The following ATRNL1 variants were observed in gnomAD, a reference collection of about 807,000 sequenced individuals.
ATRNL1 encodes the protein attractin-like protein 1.
Under a neutral mutation model 182.7 loss-of-function variants are expected in ATRNL1, and 95 were observed. The ratio of observed to expected loss-of-function variants is 0.52; its 90% CI spans 0.44 to 0.62. The LOEUF is 0.62. ATRNL1 is among the 20% of genes least tolerant of loss of function. The probability of loss-of-function intolerance (pLI) is 0.00; values close to 1 mark genes in which losing one functional copy is unlikely to be tolerated. For synonymous variants in ATRNL1, 576 were observed against 568.3 expected, an observed-to-expected ratio of 1.01 and a Z score of -0.19; for missense variants, 1,471 against 1,679.5, an observed-to-expected ratio of 0.88 and a Z score of 2.17.
At chr10:115,918,445 C>T (rs1399752639) in intron 28 of ATRNL1, among the ~76,000 whole-genome samples, 3 of 152,060 alleles carry the variant, frequency 2.0e-5, no homozygotes, top group Admixed American at 2.0e-4. Flanking sequence ...TTGTACAGAT[C>T]TAGAAGTAGT....
At chr10:115,759,365 A>G (rs1283271152) in intron 27 of ATRNL1, among the ~76,000 whole-genome samples, 2 of 152,102 alleles carry the variant, frequency 1.3e-5, no homozygotes, top group Non-Finnish European at 2.9e-5. Context: ...TGGAGGGCCG[A>G]TCTGTGAATG....
At chr10:115,298,596 A>G (rs552973445) in intron 15 of ATRNL1, among the ~76,000 whole-genome samples, 2 of 152,284 alleles carry the variant, frequency 1.3e-5, no homozygotes, top group South Asian at 2.1e-4. Flanking sequence ...ATCAAGAGCT[A>G]TAAGAATGTT....
intron 27 of ATRNL1, among the ~76,000 whole-genome samples, chr10:115,816,615 G>GACACACACACAC (rs35920402): frequency 6.7e-6 from 1 of 150,140 alleles, no homozygotes; most frequent in Non-Finnish European, 1.5e-5. Flanking sequence ...GACACACACA[G>GACACACACACAC]ACACACACAC....
At chr10:115,592,482 T>C (rs544031738) in intron 26 of ATRNL1, among the ~76,000 whole-genome samples, 1 of 152,280 alleles carries the variant, frequency 6.6e-6, no homozygotes, top group East Asian at 1.9e-4. Context: ...ATTTTCATCA[T>C]CCTAAAAAGA....
intron 24 of ATRNL1, among the ~76,000 whole-genome samples, chr10:115,492,971 T>C (rs1412491932): frequency 6.6e-6 from 1 of 152,146 alleles, no homozygotes; most frequent in Non-Finnish European, 1.5e-5. Flanking sequence ...ATGGAAATGT[T>C]CATTAGCTTC....
In ATRNL1 at chr10:115,776,166, GA is replaced by G. The variant is rs535075497; in HGVS notation, c.3903+48813del. Among the ~76,000 whole-genome samples, 243 of 152,142 alleles carry G rather than the reference GA, an allele frequency of 1.6e-3. 11 individuals carry two copies. The South Asian group carries it at 0.049, about 31-fold the overall frequency. On this transcript the variant is annotated intron_variant, in intron 27 of 28. Transcript: ENST00000355044. Reference sequence around the variant, plus strand: ...ATTTAAAATAAATGAGATAGTTCAGGAATAAGTGGTATATTATCTAGCGAGT... The same window carrying G: ...ATTTAAAATAAATGAGATAGTTCAGGATAAGTGGTATATTATCTAGCGAGT...
At position 115,685,115 on chromosome 10, in the gene ATRNL1, T is replaced by G. The variant is rs145314471; in HGVS notation, c.3796-42133T>G. Among the ~76,000 whole-genome samples, 533 of 151,888 alleles carry G rather than the reference T, an allele frequency of 3.5e-3. 3 individuals carry two copies. Among genetic ancestry groups the G allele is most frequent in the African/African-American group, 0.012 (498 of 41,544 alleles). Reference sequence around the variant, plus strand: ...ATTAGAAAAATAAGGATAATAAAATTTATTAAGCTAAGTTAATTTCAGTTA... The same window carrying G: ...ATTAGAAAAATAAGGATAATAAAATGTATTAAGCTAAGTTAATTTCAGTTA... On this transcript the variant is annotated intron_variant, in intron 26 of 28. Transcript: ENST00000355044.
intron 8 of ATRNL1, among the ~76,000 whole-genome samples, chr10:115,206,611 A>T (rs1332096021): frequency 6.6e-6 from 1 of 152,148 alleles, no homozygotes; most frequent in East Asian, 1.9e-4. Flanking sequence ...AAAATGATAG[A>T]TGATTTATAT....
At chr10:115,098,799 CA>C (rs1300230455) in intron 1 of ATRNL1, among the ~76,000 whole-genome samples, 1 of 152,102 alleles carries the variant, frequency 6.6e-6, no homozygotes, top group Non-Finnish European at 1.5e-5. Flanking sequence ...TGACTCTTCA[CA>C]CTAGGTTACC....
At chr10:115,593,125 G>A (rs1445165375) in intron 26 of ATRNL1, among the ~76,000 whole-genome samples, 4 of 152,190 alleles carry the variant, frequency 2.6e-5, no homozygotes, top group African/African-American at 9.7e-5. Context: ...AGGCAGAAGG[G>A]CAAAAGAATG....
chr10:115,176,814 T>A (rs999056431), intron 8 of ATRNL1, among the ~76,000 whole-genome samples: 13 of 152,026 alleles, frequency 8.6e-5, no homozygotes, highest in Admixed American at 2.6e-4. Flanking sequence ...TTTAAAAAAA[T>A]TTATATTCTT....
intron 8 of ATRNL1, among the ~76,000 whole-genome samples, chr10:115,212,929 A>G (rs901723539): frequency 1.3e-5 from 2 of 152,118 alleles, no homozygotes; most frequent in Non-Finnish European, 2.9e-5. Flanking sequence ...GAAATAATCT[A>G]TACAACAAAC....
At position 115,705,490 on chromosome 10, in the gene ATRNL1, C is replaced by G. The variant is rs1258553566; in HGVS notation, c.3796-21758C>G. On this transcript the variant is annotated intron_variant, in intron 26 of 28. Coordinates refer to ENST00000355044, the MANE Select transcript of ATRNL1 (RefSeq NM_207303.4). ...TCTCAAGCCTCATTTTACTCTAAAT[C>G]TGTTCTCTACTACAGGATAGCTCCT... 7.9e-5 allele frequency among the ~76,000 whole-genome samples: 12 copies of G among 152,022 alleles called. No individual in the cohort carries two copies. The East Asian group carries it at 2.3e-3, about 29-fold the overall frequency.
At chr10:115,240,770 T>C (rs1850386233) in intron 9 of ATRNL1, among the ~76,000 whole-genome samples, 1 of 152,100 alleles carries the variant, frequency 6.6e-6, no homozygotes, top group Admixed American at 6.6e-5. Flanking sequence ...TCAGATCAGT[T>C]ATAATTGTGA....
chr10:115,813,526 A>G (rs1555087652), intron 27 of ATRNL1, among the ~76,000 whole-genome samples: 3 of 152,172 alleles, frequency 2.0e-5, no homozygotes, highest in Non-Finnish European at 4.4e-5. Context: ...TCAAAAACTG[A>G]TTTTATGCTA....
chr10:115,189,807 A>G (rs972195507), intron 8 of ATRNL1, among the ~76,000 whole-genome samples: 1 of 152,134 alleles, frequency 6.6e-6, no homozygotes. Context: ...CTACAGTAGT[A>G]TACAGTAATG....
chr10:115,854,337 C>A (rs570175244), intron 28 of ATRNL1, among the ~76,000 whole-genome samples: 6 of 152,142 alleles, frequency 3.9e-5, no homozygotes, highest in Admixed American at 2.6e-4. Flanking sequence ...GGAAACCTTC[C>A]CCTCCTCTGT....
intron 28 of ATRNL1, among the ~76,000 whole-genome samples, chr10:115,875,648 A>G (rs1433910863): frequency 1.3e-5 from 2 of 152,194 alleles, no homozygotes; most frequent in African/African-American, 4.8e-5. Context: ...AGCTTTGCAT[A>G]GGTCATTTGT....
chr10:115,247,701 A>G (rs1292509336), intron 10 of ATRNL1, among the ~76,000 whole-genome samples: 1 of 152,208 alleles, frequency 6.6e-6, no homozygotes, highest in Non-Finnish European at 1.5e-5. Flanking sequence ...AAATCAGTAT[A>G]TTAAAGAGAC....
Sources: allele counts gnomAD v4.1 joint callset (sites outside exome capture counted in the v4.1 genomes callset), GRCh38; gene constraint gnomAD v4.1.1; transcripts MANE v1.5; gene names NCBI Gene and HGNC (gene_info 2026-07-23, HGNC 2026-07-21).